Variants in TBC1D22A observed in about 807,000 individuals in gnomAD.
TBC1D22A encodes TBC1 domain family member 22A, also known as putative GTPase activator.
Under a neutral mutation model 60.2 loss-of-function variants are expected in TBC1D22A, and 38 were observed. The observed-to-expected ratio is 0.63, with a 90% CI of 0.49 to 0.83. The LOEUF is 0.83. Ranked by LOEUF, TBC1D22A falls within the 40% of genes least tolerant of loss-of-function variation. The pLI is 0.00. For missense variants in TBC1D22A, 628 were observed against 701.0 expected, an observed-to-expected ratio of 0.90 and a Z score of 1.18; for synonymous variants, 302 against 281.7, an observed-to-expected ratio of 1.07 and a Z score of -0.72.
At chr22:47,127,179 T>C (rs1474856) in intron 12 of TBC1D22A, among the ~76,000 whole-genome samples, 50,691 of 151,186 alleles carry the variant, frequency 0.34, 8,838 homozygotes, top group East Asian at 0.61. Flanking sequence ...CCTTGCCCCA[T>C]GTGGAATTGG....
intron 11 of TBC1D22A, among the ~76,000 whole-genome samples, chr22:47,080,698 C>G (rs1254681688): frequency 6.6e-6 from 1 of 150,428 alleles, no homozygotes; most frequent in African/African-American, 2.5e-5. Flanking sequence ...CTTCAGAAGC[C>G]AGTAAAAGAA....
intron 12 of TBC1D22A, among the ~76,000 whole-genome samples, chr22:47,148,097 G>A (rs73479395): frequency 0.022 from 3,382 of 152,254 alleles, 139 homozygotes; most frequent in African/African-American, 0.078. Flanking sequence ...AACAAAGCTG[G>A]TCTGAACTGA....
chr22:46,812,659 A>C (rs2085431332), intron 4 of TBC1D22A, among the ~76,000 whole-genome samples: 1 of 152,216 alleles, frequency 6.6e-6, no homozygotes, highest in Non-Finnish European at 1.5e-5. Context: ...AGGAATTGGC[A>C]GAAGGCTCAC....
chr22:47,155,417 A>G (rs1336360383), intron 12 of TBC1D22A, among the ~76,000 whole-genome samples: 2 of 152,144 alleles, frequency 1.3e-5, no homozygotes, highest in Non-Finnish European at 2.9e-5. Flanking sequence ...GAACGTCACA[A>G]GATTTTCAAA....
chr22:46,992,102 A>G (rs925124369), intron 9 of TBC1D22A, among the ~76,000 whole-genome samples: 2 of 152,142 alleles, frequency 1.3e-5, no homozygotes, highest in Non-Finnish European at 2.9e-5. Context: ...CTGCCTGTCC[A>G]CTTTTCTCCC....
intron 12 of TBC1D22A, among the ~76,000 whole-genome samples, chr22:47,129,648 T>G (rs1422217922): frequency 6.6e-6 from 1 of 152,212 alleles, no homozygotes; most frequent in African/African-American, 2.4e-5. Flanking sequence ...TGTTTGAAAC[T>G]GAAAGATGAG....
At chr22:46,942,961 C>A (rs923610370) in intron 8 of TBC1D22A, among the ~76,000 whole-genome samples, 1 of 152,084 alleles carries the variant, frequency 6.6e-6, no homozygotes. Context: ...TGCTTGCACA[C>A]GGAGGTGCGT....
At chr22:47,133,082 G>A (rs923748134) in intron 12 of TBC1D22A, among the ~76,000 whole-genome samples, 1 of 152,354 alleles carries the variant, frequency 6.6e-6, no homozygotes, top group East Asian at 1.9e-4. Context: ...TTTAGGCGAC[G>A]CCTGTAAAAT....
intron 4 of TBC1D22A, among the ~76,000 whole-genome samples, chr22:46,827,125 G>A (rs1008135478): frequency 1.3e-5 from 2 of 152,134 alleles, no homozygotes; most frequent in Non-Finnish European, 1.5e-5. Context: ...TAAGTGCCAC[G>A]ATTCCTCAGC....
intron 7 of TBC1D22A, among the ~76,000 whole-genome samples, chr22:46,898,660 T>C (rs1022036515): frequency 1.3e-5 from 2 of 152,158 alleles, no homozygotes; most frequent in Admixed American, 6.5e-5. Context: ...TTGTGTCTGG[T>C]GGGCTGGGGT....
intron 3 of TBC1D22A, 113 bp downstream of exon 3, chr22:46,793,954 C>T: frequency 1.9e-6 from 2 of 1,040,176 alleles, no homozygotes; most frequent in South Asian, 3.3e-5. Context: ...TTGCAGCAGG[C>T]CCCCTGGCCC....
chr22:46,773,816 G>C (rs2083589015), intron 1 of TBC1D22A: 2 of 528,898 alleles, frequency 3.8e-6, no homozygotes, highest in Non-Finnish European at 4.8e-6. Flanking sequence ...CCTCATAGCA[G>C]CTGGGGGTGG....
intron 8 of TBC1D22A, among the ~76,000 whole-genome samples, chr22:46,912,715 C>T (rs2070039137): frequency 1.3e-5 from 2 of 152,208 alleles, no homozygotes; most frequent in Admixed American, 1.3e-4. Context: ...CGCCACCATG[C>T]CCAGCTAATT....
chr22:47,158,740 C>G (rs1456032956), intron 12 of TBC1D22A, among the ~76,000 whole-genome samples: 1 of 152,130 alleles, frequency 6.6e-6, no homozygotes, highest in Non-Finnish European at 1.5e-5. Flanking sequence ...GCAGCGGAGC[C>G]TCACATCTCA....
At chr22:47,149,005 A>C (rs116191599) in intron 12 of TBC1D22A, among the ~76,000 whole-genome samples, 1,596 of 152,182 alleles carry the variant, frequency 0.01, 37 homozygotes, top group African/African-American at 0.037. Flanking sequence ...GTGTCCCTTC[A>C]TGCAGGTTAT....
At chr22:46,937,705 C>T (rs1426124590) in intron 8 of TBC1D22A, among the ~76,000 whole-genome samples, 1 of 152,146 alleles carries the variant, frequency 6.6e-6, no homozygotes, top group Non-Finnish European at 1.5e-5. Flanking sequence ...GCTGTTGTCC[C>T]TGAAGACCTT....
intron 11 of TBC1D22A, among the ~76,000 whole-genome samples, chr22:47,107,929 GA>G (rs2065696075): frequency 6.6e-6 from 1 of 152,160 alleles, no homozygotes; most frequent in East Asian, 1.9e-4. Context: ...CCTTCTAGAA[GA>G]AAACCTTTAT....
intron 8 of TBC1D22A, among the ~76,000 whole-genome samples, chr22:46,965,318 C>T (rs746868998): frequency 7.2e-5 from 11 of 152,244 alleles, no homozygotes; most frequent in Non-Finnish European, 1.5e-4. Flanking sequence ...CCCGCCCATT[C>T]TCATTTGTTA....
intron 7 of TBC1D22A, among the ~76,000 whole-genome samples, chr22:46,907,617 C>T (rs1045360095): frequency 6.6e-6 from 1 of 152,162 alleles, no homozygotes; most frequent in African/African-American, 2.4e-5. Flanking sequence ...ACCATCCTCG[C>T]CTCCACCATC....
Sources: gnomAD v4.1 joint callset for allele counts (sites outside exome capture counted in the v4.1 genomes callset) on GRCh38, gnomAD v4.1.1 for gene constraint, MANE v1.5 for transcripts, NCBI Gene and HGNC (gene_info 2026-07-23, HGNC 2026-07-21) for gene names.